Variants in CAMK4 observed in about 807,000 individuals in gnomAD.
The protein encoded by CAMK4 is calcium/calmodulin dependent protein kinase IV.
CAMK4 carries 22 observed loss-of-function variants against 44.9 expected under a neutral mutation model. That is an observed-to-expected ratio of 0.49 (90% CI 0.35 to 0.70). CAMK4 has a LOEUF of 0.70. Ranked by LOEUF, CAMK4 falls within the 30% of genes least tolerant of loss-of-function variation. The probability of loss-of-function intolerance (pLI) is 0.01; values close to 1 mark genes in which losing one functional copy is unlikely to be tolerated. For synonymous variants in CAMK4, 218 were observed against 215.4 expected (o/e 1.01, Z -0.11); for missense variants, 498 against 586.8 (o/e 0.85, Z 1.56).
chr5:111,300,138 G>T (rs1371548625), intron 1 of CAMK4, among the ~76,000 whole-genome samples: 1 of 152,206 alleles, frequency 6.6e-6, no homozygotes, highest in Non-Finnish European at 1.5e-5. Flanking sequence ...AAAGCATGGA[G>T]TGATGAAGTT....
At chr5:111,284,541 G>A (rs1022285393) in intron 1 of CAMK4, among the ~76,000 whole-genome samples, 5 of 150,924 alleles carry the variant, frequency 3.3e-5, no homozygotes, top group South Asian at 2.1e-4. Context: ...GGCTCTGGGC[G>A]GATCACCAGC....
At chr5:111,440,182 A>C (rs1185487672) in intron 5 of CAMK4, among the ~76,000 whole-genome samples, 1 of 152,112 alleles carries the variant, frequency 6.6e-6, no homozygotes, top group Admixed American at 6.6e-5. Context: ...CAAAGAGGAA[A>C]TGGAGAGGAA....
chr5:111,332,370 A>G (rs923749112), intron 1 of CAMK4, among the ~76,000 whole-genome samples: 1 of 150,622 alleles, frequency 6.6e-6, no homozygotes, highest in South Asian at 2.1e-4. Context: ...GAGAATGATG[A>G]TTTCCAATTT....
chr5:111,397,019 A>G (rs1447554415), intron 5 of CAMK4, among the ~76,000 whole-genome samples: 1 of 152,182 alleles, frequency 6.6e-6, no homozygotes, highest in Non-Finnish European at 1.5e-5. Flanking sequence ...TCTCCATTTA[A>G]TAATGGCAAT....
chr5:111,419,680 G>A (rs1373796746), intron 5 of CAMK4, among the ~76,000 whole-genome samples: 2 of 152,118 alleles, frequency 1.3e-5, no homozygotes, highest in Non-Finnish European at 2.9e-5. Flanking sequence ...AGTTTTGCCA[G>A]CACCATTTAT....
chr5:111,446,895 T>C (rs1754050995), intron 6 of CAMK4, 119 bp downstream of exon 6: 2 of 724,790 alleles, frequency 2.8e-6, no homozygotes, highest in Non-Finnish European at 5.1e-6. Flanking sequence ...TCCTGAATAA[T>C]TGACATCTGT....
chr5:111,245,681 C>T (rs1324289940), intron 1 of CAMK4, among the ~76,000 whole-genome samples: 2 of 152,230 alleles, frequency 1.3e-5, no homozygotes, highest in Non-Finnish European at 2.9e-5. Flanking sequence ...AACCTGTTAA[C>T]TGTGTGTAAA....
chr5:111,451,890 C>A (rs1009944664), intron 7 of CAMK4, among the ~76,000 whole-genome samples: 2 of 152,112 alleles, frequency 1.3e-5, no homozygotes, highest in Admixed American at 1.3e-4. Context: ...TAAAAGGAAA[C>A]CTGGTCTCAG....
chr5:111,461,656 A>G (rs1754645218), intron 7 of CAMK4, among the ~76,000 whole-genome samples: 1 of 151,840 alleles, frequency 6.6e-6, no homozygotes, highest in Non-Finnish European at 1.5e-5. Flanking sequence ...ACTGCTTTTC[A>G]GCCTCCCTAG....
chr5:111,364,812 A>G lies in CAMK4; in HGVS notation c.241-10038A>G, dbSNP rs184169110. The G allele has an allele frequency of 3.9e-5, 6 of 152,216 alleles. No individual in the cohort carries two copies. The South Asian group carries it at 6.2e-4, about 16-fold the overall frequency. 9.4% of individuals were successfully genotyped at this position (152,216 alleles called of 1,614,324 possible). On this transcript the variant is annotated intron_variant, in intron 2 of 10. Coordinates refer to ENST00000282356, the MANE Select transcript of CAMK4 (RefSeq NM_001744.6). ...ATATTGGGTTTTACAATGCTCAAAGACAAGCTTATCTGATGATTACAGCCT... is the reference window on the plus strand; with the variant it reads ...ATATTGGGTTTTACAATGCTCAAAGGCAAGCTTATCTGATGATTACAGCCT...
At chr5:111,239,446 C>T (rs1748890714) in intron 1 of CAMK4, among the ~76,000 whole-genome samples, 1 of 152,080 alleles carries the variant, frequency 6.6e-6, no homozygotes, top group African/African-American at 2.4e-5. Context: ...AGCTAACACA[C>T]AACACTGAAA....
intron 5 of CAMK4, among the ~76,000 whole-genome samples, chr5:111,410,680 G>C (rs569803019): frequency 1.3e-5 from 2 of 152,130 alleles, no homozygotes; most frequent in Non-Finnish European, 2.9e-5. Flanking sequence ...TACTATTTAT[G>C]ATGTCTTTGA....
At chr5:111,377,525 T>TG in intron 4 of CAMK4, among the ~76,000 whole-genome samples, 1 of 16,638 alleles carries the variant, frequency 6.0e-5, no homozygotes, top group African/African-American at 2.3e-4. Context: ...GGGGTGGGGG[T>TG]GGGGGTTGGA....
At chr5:111,457,172 G>A (rs1754445301) in intron 7 of CAMK4, among the ~76,000 whole-genome samples, 2 of 152,142 alleles carry the variant, frequency 1.3e-5, no homozygotes, top group South Asian at 4.1e-4. Context: ...AAAAATGAAG[G>A]ATATTTTAAC....
chr5:111,372,619 T>C (rs1751052046), intron 2 of CAMK4, among the ~76,000 whole-genome samples: 1 of 152,152 alleles, frequency 6.6e-6, no homozygotes, highest in African/African-American at 2.4e-5. Flanking sequence ...GACTTCCCAG[T>C]TACATGTGCC....
chr5:111,260,761 C>T (rs1749938423), intron 1 of CAMK4, among the ~76,000 whole-genome samples: 2 of 152,136 alleles, frequency 1.3e-5, no homozygotes, highest in Admixed American at 1.3e-4. Context: ...TTCCTCAGAT[C>T]CTGCACCTTA....
chr5:111,470,492 A>T (rs562863605), intron 7 of CAMK4, among the ~76,000 whole-genome samples: 1 of 152,232 alleles, frequency 6.6e-6, no homozygotes, highest in South Asian at 2.1e-4. Flanking sequence ...TTTGTCAAAA[A>T]ATGGTGAAAA....
chr5:111,286,463 T>C (rs947457996), intron 1 of CAMK4, among the ~76,000 whole-genome samples: 1 of 152,226 alleles, frequency 6.6e-6, no homozygotes, highest in Non-Finnish European at 1.5e-5. Context: ...TTGTAAGTTA[T>C]GTAACAGCTT....
chr5:111,266,192 T>TCACACACACA (rs58948390), intron 1 of CAMK4: 1 of 144,060 alleles, frequency 6.9e-6, no homozygotes, highest in African/African-American at 2.6e-5. Flanking sequence ...ATAAATATAT[T>TCACACACACA]CACACACACA....
Sources: gnomAD v4.1 joint callset for allele counts (sites outside exome capture counted in the v4.1 genomes callset) on GRCh38, gnomAD v4.1.1 for gene constraint, MANE v1.5 for transcripts, NCBI Gene and HGNC (gene_info 2026-07-23, HGNC 2026-07-21) for gene names.